Variants in AACS observed in about 807,000 individuals in gnomAD.
AACS encodes the protein acetoacetyl-CoA synthetase, also known as acetoacetate-CoA ligase.
A neutral mutation model predicts 83.1 loss-of-function variants in AACS; 69 were observed. The observed-to-expected ratio is 0.83, with a 90% CI of 0.68 to 1.01. AACS has a LOEUF of 1.01. Ranked by LOEUF, AACS falls within the 50% of genes least tolerant of loss-of-function variation. AACS has a pLI of 0.00. For missense variants in AACS, 866 were observed against 882.2 expected (o/e 0.98, Z 0.23); for synonymous variants, 333 against 343.4 (o/e 0.97, Z 0.33).
intron 8 of AACS, among the ~76,000 whole-genome samples, chr12:125,111,292 C>T (rs1956948303): frequency 6.8e-6 from 1 of 146,150 alleles, no homozygotes; most frequent in African/African-American, 2.6e-5. Context: ...TTTTAGAAAT[C>T]TTGCAGACAA....
intron 7 of AACS, among the ~76,000 whole-genome samples, chr12:125,103,986 T>TCAAA (rs1956776148): frequency 5.0e-4 from 1 of 1,986 alleles, no homozygotes; most frequent in Non-Finnish European, 2.3e-3. Context: ...AAACTCCGTC[T>TCAAA]CAAAAAAAAA....
At chr12:125,072,951 G>A (rs1955915415) in intron 1 of AACS, among the ~76,000 whole-genome samples, 1 of 121,356 alleles carries the variant, frequency 8.2e-6, no homozygotes, top group South Asian at 2.8e-4. Context: ...TTTTTGAGAT[G>A]GAGTTTCGCT....
At chr12:125,118,804 C>G in intron 10 of AACS, 39 bp downstream of exon 10, 1 of 1,608,768 alleles carries the variant, frequency 6.2e-7, no homozygotes, top group Non-Finnish European at 8.5e-7. Flanking sequence ...AAGGGACAGG[C>G]AGCACCAGGA....
At chr12:125,099,044 G>C (rs536516166) in intron 5 of AACS, among the ~76,000 whole-genome samples, 23 of 152,322 alleles carry the variant, frequency 1.5e-4, no homozygotes, top group African/African-American at 5.5e-4. Flanking sequence ...GAAATGTGCC[G>C]TCAGGTGTCT....
chr12:125,132,196 G>A (rs1448225571), intron 14 of AACS, among the ~76,000 whole-genome samples: 1 of 152,214 alleles, frequency 6.6e-6, no homozygotes, highest in Non-Finnish European at 1.5e-5. Flanking sequence ...AGCCACTAGT[G>A]GATTGCTCCT....
In AACS at chr12:125,136,760, C is replaced by T; in HGVS notation, c.1777C>T (p.His593Tyr). 2 of 1,614,150 alleles carry T rather than the reference C, an allele frequency of 1.2e-6. No homozygotes were observed. Among genetic ancestry groups the T allele is most frequent in the Non-Finnish European group, 1.7e-6 (2 of 1,180,034 alleles). ...VILFLKMASG[H>Y]AFQPDLVKRI... ...CCTCTTCCTGAAGATGGCCTCCGGG[C>T]ACGCCTTCCAGCCTGACTTGGTTAA... The change falls in exon 17 of 18, where the codon CAC becomes TAC. Residue 593 changes from histidine to tyrosine, a missense_variant. Coordinates refer to ENST00000316519, the MANE Select transcript of AACS (RefSeq NM_023928.5).
At chr12:125,109,849 G>A (rs374382643) in intron 8 of AACS, among the ~76,000 whole-genome samples, 13 of 152,322 alleles carry the variant, frequency 8.5e-5, no homozygotes, top group East Asian at 7.7e-4. Flanking sequence ...GGTATGTCTG[G>A]TGTCTCCTCG....
intron 17 of AACS, chr12:125,141,770 A>T (rs1957499075): frequency 3.5e-6 from 1 of 283,552 alleles, no homozygotes; most frequent in South Asian, 9.9e-5. Flanking sequence ...GCAACTTTGA[A>T]ATAGCCTCAG....
chr12:125,135,514 C>T (rs192296023), intron 16 of AACS, among the ~76,000 whole-genome samples: 4 of 152,288 alleles, frequency 2.6e-5, no homozygotes, highest in African/African-American at 7.2e-5. Context: ...CTGTGGATCT[C>T]ACAACTGTAC....
Position 125,113,281 on chromosome 12 carries a change from C to T in AACS, c.916-1196C>T, listed in dbSNP as rs1592986694. 6.6e-6 allele frequency among the ~76,000 whole-genome samples: 1 copy of T among 152,210 alleles called. No individual in the cohort carries two copies. The highest frequency in any genetic ancestry group is 1.5e-5 in the Non-Finnish European group (1 of 68,044). On this transcript the variant is annotated intron_variant, in intron 8 of 17. Transcript: ENST00000316519. This position sits in a 1 kb window ranked among gnomAD's most constrained non-coding sequence, Gnocchi z 4.8. ...CATGGCTGGGTTTTAATATATAAGT[C>T]CTTGCTTCAGCCTTCTAGGCCCTCC...
chr12:125,113,394 CGTCT>C lies in AACS; in HGVS notation c.916-1079_916-1076del, dbSNP rs1956991081. Among the ~76,000 whole-genome samples the C allele has an allele frequency of 6.6e-6, 1 of 152,224 alleles. No homozygotes were observed. Among genetic ancestry groups the C allele is most frequent in the Non-Finnish European group, 1.5e-5 (1 of 68,034 alleles). ...GTGGTCACTGAAGGGGCAGCATCCC[CGTCT>C]GTCCTCAGGATCTTGTACGAGATCC... On this transcript the variant is annotated intron_variant, in intron 8 of 17. Transcript: ENST00000316519. This position sits in a 1 kb window ranked among gnomAD's most constrained non-coding sequence, Gnocchi z 4.8.
chr12:125,097,854 C>T lies in AACS; in HGVS notation c.571-4825C>T, dbSNP rs1324198567. ...GCGCCACACCCTTTCACTCCCTTCC[C>T]TACCGTTGGCTGTTCTTGCCGCCTC... On this transcript the variant is annotated intron_variant, in intron 5 of 17. Coordinates refer to ENST00000316519, the MANE Select transcript of AACS (RefSeq NM_023928.5). The surrounding 1 kb of genome is among the most constrained non-coding windows in gnomAD (Gnocchi z 4.3). 6.6e-6 allele frequency among the ~76,000 whole-genome samples: 1 copy of T among 152,168 alleles called. No individual in the cohort carries two copies. Among genetic ancestry groups the T allele is most frequent in the Non-Finnish European group, 1.5e-5 (1 of 68,032 alleles).
chr12:125,125,161 C>G, intron 12 of AACS, 137 bp downstream of exon 12: 1 of 1,331,704 alleles, frequency 7.5e-7, no homozygotes, highest in Non-Finnish European at 1.0e-6. Context: ...TTCTCATGAT[C>G]TGAGGCAGTG....
chr12:125,107,036 G>C (rs1956848442), intron 7 of AACS, 85 bp from the exon 8 acceptor site: 2 of 1,563,628 alleles, frequency 1.3e-6, no homozygotes, highest in Non-Finnish European at 1.7e-6. Context: ...GGTAGAAACA[G>C]AGGGAAGTGC....
In AACS at chr12:125,109,028, C is replaced by T. The variant is rs79760126; in HGVS notation, c.915+1760C>T. On this transcript the variant is annotated intron_variant, in intron 8 of 17. Coordinates refer to ENST00000316519, the MANE Select transcript of AACS (RefSeq NM_023928.5). ...TTTTATTTTTGAAAAAAATAAAATA[C>T]CTAGAGAACCTCTAGAAAAGCTGCA... is the stretch of plus-strand genomic sequence containing the variant. 5.2e-3 allele frequency among the ~76,000 whole-genome samples: 788 copies of T among 152,022 alleles called. 7 individuals carry two copies. Among genetic ancestry groups the T allele is most frequent in the African/African-American group, 0.018 (749 of 41,440 alleles).
At chr12:125,075,076 G>A (rs1955988804) in intron 2 of AACS, among the ~76,000 whole-genome samples, 2 of 149,214 alleles carry the variant, frequency 1.3e-5, no homozygotes, top group South Asian at 2.1e-4. Flanking sequence ...CCTGGTTCAA[G>A]TGATTCTCCT....
Position 125,118,703 on chromosome 12 carries a change from G to A in AACS, c.1059G>A (p.Leu353=), listed in dbSNP as rs763868188. 1.9e-6 allele frequency: 3 copies of A among 1,614,132 alleles called. No individual in the cohort carries two copies. The East Asian group carries it at 6.7e-5, about 36-fold the overall frequency. ...SLLATGAAMV[L]YDGSPLVPTP... ...TGGCCACAGGAGCGGCCATGGTCTT[G>A]TACGATGGCTCCCCCCTGGTGCCCA... Residue 353 remains leucine (L), a synonymous_variant, in exon 10 of 18, where the codon TTG becomes TTA. Transcript: ENST00000316519.
At chr12:125,085,141 G>A (rs1292180429) in intron 3 of AACS, among the ~76,000 whole-genome samples, 1 of 152,212 alleles carries the variant, frequency 6.6e-6, no homozygotes, top group Non-Finnish European at 1.5e-5. Flanking sequence ...TTGGGGTGGT[G>A]GAAATGTCCT....
rs1271323633 is a variant in AACS, at chr12:125,096,177, G to A, written c.570+4654G>A. Among the ~76,000 whole-genome samples the A allele has an allele frequency of 2.0e-5, 3 of 152,160 alleles. No homozygotes were observed. In the East Asian group the frequency reaches 5.8e-4, roughly 29 times the overall value. On this transcript the variant is annotated intron_variant, in intron 5 of 17. Transcript: ENST00000316519. ...GACGGGGTTTCACCATGTTAGCCAG[G>A]CTGGTCTCGATCTCCTGACCTCGTG... is the stretch of plus-strand genomic sequence containing the variant.
Sources: gnomAD v4.1 joint callset for allele counts (sites outside exome capture counted in the v4.1 genomes callset) on GRCh38, gnomAD v4.1.1 for gene constraint, Gnocchi (gnomAD v3.1) non-coding constraint, MANE v1.5 for transcripts, NCBI Gene and HGNC (gene_info 2026-07-23, HGNC 2026-07-21) for gene names.